The following SCYL3 variants were observed in gnomAD, a reference collection of about 807,000 sequenced individuals.
SCYL3 encodes the protein protein-associating with the carboxyl-terminal domain of ezrin.
In SCYL3, 35 loss-of-function variants were observed where a neutral mutation model predicts 73.8. The ratio of observed to expected loss-of-function variants is 0.47; its 90% confidence interval spans 0.36 to 0.63. The LOEUF (loss-of-function observed/expected upper bound fraction) is 0.63, where lower values mean the gene tolerates loss of function less well. Ranked by LOEUF, SCYL3 falls within the 20% of genes least tolerant of loss-of-function variation. The pLI, the probability that SCYL3 is intolerant of heterozygous loss-of-function variation, is 0.00. For synonymous variants in SCYL3, 277 were observed against 295.2 expected (o/e 0.94, Z 0.63); for missense variants, 712 against 798.9 (o/e 0.89, Z 1.31).
chr1:169,859,278 G>T, intron 10 of SCYL3, 66 bp from the exon 11 acceptor site: 1 of 1,448,522 alleles, frequency 6.9e-7, no homozygotes, highest in East Asian at 2.4e-5. Flanking sequence ...CCCTGTAAAT[G>T]AGCAATTGGG....
At chr1:169,876,958 T>TA (rs61051062) in intron 3 of SCYL3, among the ~76,000 whole-genome samples, 1,430 of 76,170 alleles carry the variant, frequency 0.019, 105 homozygotes, top group African/African-American at 0.03. Flanking sequence ...TTGTCTCAAA[T>TA]AAAAAAAAAA....
intron 11 of SCYL3, among the ~76,000 whole-genome samples, chr1:169,856,996 A>G (rs558988523): frequency 6.6e-6 from 1 of 152,364 alleles, no homozygotes; most frequent in African/African-American, 2.4e-5. Flanking sequence ...GAATTACATA[A>G]CAAGTTCATT....
intron 1 of SCYL3, among the ~76,000 whole-genome samples, chr1:169,892,617 C>T (rs891912282): frequency 3.3e-5 from 5 of 152,176 alleles, no homozygotes; most frequent in African/African-American, 7.2e-5. Context: ...TTTCGTAGCA[C>T]TTAGCATCTC....
chr1:169,880,426 TGGA>T (rs924495317), intron 2 of SCYL3, among the ~76,000 whole-genome samples: 1 of 91,194 alleles, frequency 1.1e-5, no homozygotes, highest in South Asian at 2.9e-4. Context: ...ACACATTACA[TGGA>T]GGAGAATGAT....
At chr1:169,893,448 C>A (rs1191569789) in intron 1 of SCYL3, among the ~76,000 whole-genome samples, 1 of 152,096 alleles carries the variant, frequency 6.6e-6, no homozygotes, top group East Asian at 1.9e-4. Context: ...AGGGCCGAGG[C>A]GCCGCTCTCG....
chr1:169,856,410 C>T (rs1025157697), intron 11 of SCYL3, among the ~76,000 whole-genome samples: 4 of 152,084 alleles, frequency 2.6e-5, no homozygotes, highest in Admixed American at 2.0e-4. Flanking sequence ...GACATTTAAC[C>T]CCCAACTGGG....
chr1:169,857,857 G>A (rs1208612993), intron 11 of SCYL3, among the ~76,000 whole-genome samples: 1 of 152,136 alleles, frequency 6.6e-6, no homozygotes, highest in East Asian at 1.9e-4. Context: ...AACTGATACA[G>A]CATGTTACTG....
In SCYL3 at chr1:169,849,844, A is replaced by G; in HGVS notation, c.*3869T>C. ...CAGAACAGGCATACACAGCAGGCCT[A>G]CTGATACAGACAGACACAGACACAG... On this transcript the variant is annotated 3_prime_UTR_variant, in exon 13 of 13. Transcript: ENST00000367771. 1 of 518,856 alleles carries G rather than the reference A, an allele frequency of 1.9e-6. No homozygotes were observed. Among genetic ancestry groups the G allele is most frequent in the Non-Finnish European group, 3.4e-6 (1 of 290,334 alleles). The allele number at this position is 518,856 out of a possible 1,614,324, so 32.1% of individuals were successfully genotyped here. A position where few individuals can be genotyped will look rare whatever the true frequency, so the allele number is the denominator to read the frequency against.
chr1:169,863,759 A>C (rs1659830552), intron 9 of SCYL3, among the ~76,000 whole-genome samples: 1 of 152,230 alleles, frequency 6.6e-6, no homozygotes, highest in Non-Finnish European at 1.5e-5. Flanking sequence ...CAAAGTAGAG[A>C]TATAAGGAAA....
chr1:169,884,713 T>G (rs935258729), intron 2 of SCYL3, among the ~76,000 whole-genome samples: 2 of 152,240 alleles, frequency 1.3e-5, no homozygotes, highest in Non-Finnish European at 2.9e-5. Context: ...TCTCTTCTGC[T>G]TATTGTTTTA....
In SCYL3 at chr1:169,849,862, A is replaced by G. The variant is rs1384051813; in HGVS notation, c.*3851T>C. 1 of 501,900 alleles carries G rather than the reference A, an allele frequency of 2.0e-6. No individual in the cohort carries two copies. Among genetic ancestry groups the G allele is most frequent in the Non-Finnish European group, 3.6e-6 (1 of 281,124 alleles). The allele number at this position is 501,900 out of a possible 1,614,324, so 31.1% of individuals were successfully genotyped here. On this transcript the variant is annotated 3_prime_UTR_variant, in exon 13 of 13. Coordinates refer to ENST00000367771, the MANE Select transcript of SCYL3 (RefSeq NM_020423.7). ...CAGGCCTACTGATACAGACAGACAC[A>G]GACACAGTCTTCCAGCAGATAGTAT...
In SCYL3 at chr1:169,853,842, A is replaced by G. The variant is rs12077794; in HGVS notation, c.2008-70T>C. On this transcript the variant is annotated intron_variant, in intron 12 of 12. Transcript: ENST00000367771. ...TATGCAAAAATCATACGCAAATTTG[A>G]AAAAGCAGGAATTTAAAATTTATCT... The G allele has an allele frequency of 1.9e-5, 30 of 1,551,892 alleles. No homozygotes were observed. The African/African-American group carries it at 3.3e-4, about 17-fold the overall frequency.
chr1:169,878,776 G>A lies in SCYL3; in HGVS notation c.209C>T (p.Ser70Phe). 6.2e-7 allele frequency: 1 copy of A among 1,613,550 alleles called. No homozygotes were observed. The highest frequency in any genetic ancestry group is 2.2e-5 in the East Asian group (1 of 44,876). The change falls in exon 3 of 13, where the codon TCT becomes TTT. Residue 70 changes from serine to phenylalanine, a missense_variant. Transcript: ENST00000367771. ...AATGCCATCCGCTTCCACAGTACAAGATAAAAATCTTAGCAAGCAAGGGTG... is the reference window on the plus strand; with the variant it reads ...AATGCCATCCGCTTCCACAGTACAAAATAAAAATCTTAGCAAGCAAGGGTG... ...LRHPCLLRFL[S>F]CTVEADGIHL... is the part of the protein sequence containing the mutation.
At chr1:169,892,925 G>C (rs1001519867) in intron 1 of SCYL3, among the ~76,000 whole-genome samples, 5 of 152,282 alleles carry the variant, frequency 3.3e-5, no homozygotes, top group East Asian at 1.9e-4. Flanking sequence ...CTTGCACTCT[G>C]AGTATTAAGG....
intron 1 of SCYL3, among the ~76,000 whole-genome samples, chr1:169,891,935 T>C (rs1329053824): frequency 1.3e-5 from 2 of 152,220 alleles, no homozygotes; most frequent in African/African-American, 4.8e-5. Context: ...TAAAATTCAT[T>C]TTTCTTACTG....
chr1:169,880,909 G>A (rs1026703184), intron 2 of SCYL3, among the ~76,000 whole-genome samples: 1 of 151,996 alleles, frequency 6.6e-6, no homozygotes, highest in African/African-American at 2.4e-5. Context: ...CTACAGGCTT[G>A]CACCACCATG....
In SCYL3 at chr1:169,856,542, A is replaced by C. The variant is rs1659178631; in HGVS notation, c.1313-1578T>G. ...AGGATGTGGGGAATAGCCTGGGGTA[A>C]ACTCTTAACGATTAGGTCCCCAGCT... is the stretch of plus-strand genomic sequence containing the variant. On this transcript the variant is annotated intron_variant, in intron 11 of 12. Coordinates refer to ENST00000367771, the MANE Select transcript of SCYL3 (RefSeq NM_020423.7). Among the ~76,000 whole-genome samples, 2 of 152,088 alleles carry C rather than the reference A, an allele frequency of 1.3e-5. 1 individual carries two copies. The highest frequency in any genetic ancestry group is 2.9e-5 in the Non-Finnish European group (2 of 68,012).
At position 169,854,262 on chromosome 1, in the gene SCYL3, G is replaced by C; in HGVS notation, c.2007+8C>G. ...TAGTAGCACAGTTTACTCCATAAAA[G>C]TACTCACCTCAGTAATTTCTGCTGC... is the stretch of plus-strand genomic sequence containing the variant. On this transcript the variant is annotated splice_region_variant and intron_variant, in intron 12 of 12. Transcript: ENST00000367771. The C allele has an allele frequency of 6.3e-7, 1 of 1,586,286 alleles. No individual in the cohort carries two copies.
intron 2 of SCYL3, among the ~76,000 whole-genome samples, chr1:169,886,851 G>GT (rs1661719907): frequency 6.6e-6 from 1 of 152,152 alleles, no homozygotes; most frequent in Admixed American, 6.5e-5. Context: ...TAGGATTGTT[G>GT]TTTTTTACTT....
Sources: allele counts gnomAD v4.1 joint callset (sites outside exome capture counted in the v4.1 genomes callset), GRCh38; gene constraint gnomAD v4.1.1; transcripts MANE v1.5; gene names NCBI Gene and HGNC (gene_info 2026-07-23, HGNC 2026-07-21).